DCUN1D1: variants seen among roughly 807,000 people sequenced by gnomAD.
DCUN1D1 encodes defective in cullin neddylation 1 domain containing 1.
In DCUN1D1, 3 loss-of-function variants were observed where a neutral mutation model predicts 39.0. The ratio of observed to expected loss-of-function variants is 0.08; its 90% CI spans 0.04 to 0.20. The LOEUF is 0.20. Ranked by LOEUF, DCUN1D1 falls within the 10% of genes least tolerant of loss-of-function variation. The pLI is 1.00. For missense variants in DCUN1D1, 158 were observed against 302.4 expected (o/e 0.52, Z 3.54); for synonymous variants, 82 against 96.3 (o/e 0.85, Z 0.87).
chr3:182,950,870 A>C (rs1044678809), intron 4 of DCUN1D1: 1 of 151,556 alleles, frequency 6.6e-6, no homozygotes, highest in Admixed American at 6.6e-5. Context: ...GGCCGGCACG[A>C]TGGTGGGCAC....
chr3:182,977,528 T>C (rs1285850055), intron 1 of DCUN1D1, among the ~76,000 whole-genome samples: 2 of 152,034 alleles, frequency 1.3e-5, no homozygotes, highest in East Asian at 2.0e-4. Context: ...CCTCCTCCTC[T>C]GGGTTCCAGT....
At chr3:182,977,325 T>C (rs2108402068) in intron 1 of DCUN1D1, among the ~76,000 whole-genome samples, 1 of 152,346 alleles carries the variant, frequency 6.6e-6, no homozygotes, top group East Asian at 1.9e-4. Flanking sequence ...AAAAATTCTA[T>C]GATGCTATGA....
At chr3:182,981,324 C>T (rs1728542217), upstream of DCUN1D1, among the ~76,000 whole-genome samples, 1 of 152,182 alleles carries the variant, frequency 6.6e-6, no homozygotes, top group African/African-American at 2.4e-5. Context: ...TTTCGGGAAG[C>T]AACTACACAT....
At chr3:182,964,458 G>C (rs1382658728) in intron 2 of DCUN1D1, among the ~76,000 whole-genome samples, 1 of 151,942 alleles carries the variant, frequency 6.6e-6, no homozygotes, top group Non-Finnish European at 1.5e-5. Flanking sequence ...CTTCTTAAGA[G>C]TATCAGAAAA....
chr3:182,965,565 C>T lies in DCUN1D1; in HGVS notation c.192G>A (p.Lys64=). 1 of 1,613,556 alleles carries T rather than the reference C, an allele frequency of 6.2e-7. No individual in the cohort carries two copies. The highest frequency in any genetic ancestry group is 1.1e-5 in the South Asian group (1 of 91,058). ...ESVKGSLDRK[K]LEQLYNRYKD... is the part of the protein sequence containing the mutation. ...TGTATCTATTGTACAGCTGTTCTAA[C>T]TTCTTCCTGTCCAATGATCCTTTTA... The change falls in exon 2 of 7, where the codon AAG becomes AAA. Residue 64 remains lysine, a synonymous_variant. Transcript: ENST00000292782.
chr3:182,981,384 T>A (rs942761810), upstream of DCUN1D1, among the ~76,000 whole-genome samples: 10 of 152,216 alleles, frequency 6.6e-5, no homozygotes, highest in Non-Finnish European at 1.2e-4. Context: ...AGGTGTGACC[T>A]GCCCTGGGCG....
rs2108615914 is a variant in DCUN1D1, at chr3:182,942,261, G to T, written c.*2833C>A. ...GGCATGTCTTTTCTCCCCAAAACAT[G>T]CCATTACAATGCTCTTTCCATGAAT... is the stretch of plus-strand genomic sequence containing the variant. On this transcript the variant is annotated 3_prime_UTR_variant, in exon 7 of 7. Transcript: ENST00000292782. 6.6e-6 allele frequency: 1 copy of T among 152,088 alleles called. No individual in the cohort carries two copies. The highest frequency in any genetic ancestry group is 3.4e-3 in the Middle Eastern group (1 of 294). 9.4% of individuals were successfully genotyped at this position (152,088 alleles called of 1,614,324 possible).
intron 3 of DCUN1D1, 21 bp from the exon 4 acceptor site, chr3:182,961,377 T>G (rs374108147): frequency 1.0e-5 from 16 of 1,564,930 alleles, no homozygotes; most frequent in Non-Finnish European, 1.2e-5. Flanking sequence ...AAATTAAGTT[T>G]ATAAAAGATT....
intron 3 of DCUN1D1, among the ~76,000 whole-genome samples, chr3:182,962,871 C>T (rs1250392996): frequency 6.6e-6 from 1 of 152,154 alleles, no homozygotes; most frequent in Non-Finnish European, 1.5e-5. Context: ...ACCTCCGCCT[C>T]CCGGGTTCAA....
In DCUN1D1 at chr3:182,972,050, GTTTTT is replaced by G. The variant is rs397877483; in HGVS notation, c.4-6302_4-6298del. Among the ~76,000 whole-genome samples the G allele has an allele frequency of 5.9e-3, 638 of 108,864 alleles. 7 individuals are homozygous for G. Among genetic ancestry groups the G allele is most frequent in the African/African-American group, 0.02 (607 of 30,800 alleles). The allele number at this position is 108,864 out of a possible 152,430, so 71.4% of individuals were successfully genotyped here. ...TTTGGGGATGGAGCTTCTATTTAGG[GTTTTT>G]TTTTTTTTTTTTTTTTTGGTTGGGG... On this transcript the variant is annotated intron_variant, in intron 1 of 6. Coordinates refer to ENST00000292782, the MANE Select transcript of DCUN1D1 (RefSeq NM_020640.4).
chr3:182,961,732 T>C (rs1048416770), intron 3 of DCUN1D1, among the ~76,000 whole-genome samples: 18 of 152,186 alleles, frequency 1.2e-4, no homozygotes, highest in Non-Finnish European at 4.4e-5. Flanking sequence ...CAGTAATTAA[T>C]CGCGTCTACT....
chr3:182,975,690 A>AG, intron 1 of DCUN1D1, among the ~76,000 whole-genome samples: 2 of 146,696 alleles, frequency 1.4e-5, no homozygotes, highest in South Asian at 4.2e-4. Context: ...GTTAAAAAAA[A>AG]AAAAAAACAA....
intron 4 of DCUN1D1, among the ~76,000 whole-genome samples, chr3:182,959,501 CAAAAAAAAAAA>C (rs11373344): frequency 0.018 from 1,465 of 81,290 alleles, 44 homozygotes; most frequent in African/African-American, 0.067. Flanking sequence ...CTTCAAAAAC[CAAAAAAAAAAA>C]AAAAAAAAAA....
intron 1 of DCUN1D1, among the ~76,000 whole-genome samples, chr3:182,970,180 C>G (rs1727860871): frequency 6.6e-6 from 1 of 152,070 alleles, no homozygotes; most frequent in Admixed American, 6.6e-5. Context: ...ATGAGGATCA[C>G]TTGAGCCCAA....
chr3:182,960,385 T>C (rs1727321548), intron 4 of DCUN1D1, among the ~76,000 whole-genome samples: 1 of 152,228 alleles, frequency 6.6e-6, no homozygotes, highest in Non-Finnish European at 1.5e-5. Context: ...GCATTCTCAT[T>C]AAAATCAAAC....
chr3:182,981,146 A>C (rs186540671), upstream of DCUN1D1, among the ~76,000 whole-genome samples: 9 of 151,778 alleles, frequency 5.9e-5, no homozygotes, highest in East Asian at 1.8e-3. Context: ...TCACTCCATT[A>C]GTGAGGACCA....
At chr3:182,981,796 G>A (rs1292262225), upstream of DCUN1D1, among the ~76,000 whole-genome samples, 1 of 152,228 alleles carries the variant, frequency 6.6e-6, no homozygotes, top group African/African-American at 2.4e-5. Context: ...GCCATGTACT[G>A]GGAGCGCCCA....
chr3:182,953,762 T>A (rs191113514), intron 4 of DCUN1D1, among the ~76,000 whole-genome samples: 2 of 151,990 alleles, frequency 1.3e-5, no homozygotes, highest in African/African-American at 2.4e-5. Context: ...AAGGCAAATA[T>A]AGAGAAAAAG....
In DCUN1D1 at chr3:182,947,204, T is replaced by TA. The variant is rs572698249; in HGVS notation, c.700+33dup. The TA allele has an allele frequency of 2.2e-3, 2,807 of 1,253,918 alleles. 2 individuals carry two copies. Among genetic ancestry groups the TA allele is most frequent in the Non-Finnish European group, 3.0e-3 (2,608 of 879,404 alleles). The allele number at this position is 1,253,918 out of a possible 1,614,324, so 77.7% of individuals were successfully genotyped here. On this transcript the variant is annotated intron_variant, in intron 6 of 6. Coordinates refer to ENST00000292782, the MANE Select transcript of DCUN1D1 (RefSeq NM_020640.4). ...AAGGGTATGGGATAAAAAGGCACAT[T>TA]AAAAAAAAGTGGTGTGGCAAAAATT...
Sources: allele counts gnomAD v4.1 joint callset (sites outside exome capture counted in the v4.1 genomes callset), GRCh38; gene constraint gnomAD v4.1.1; transcripts MANE v1.5; gene names NCBI Gene and HGNC (gene_info 2026-07-23, HGNC 2026-07-21).